Variants in INPP4B observed in about 807,000 individuals in gnomAD.
INPP4B encodes the protein inositol polyphosphate 4-phosphatase type II.
INPP4B carries 55 observed loss-of-function variants against 122.5 expected under a neutral mutation model. That is an observed-to-expected ratio of 0.45 (90% CI 0.36 to 0.56). INPP4B has a LOEUF of 0.56. INPP4B is among the 20% of genes least tolerant of loss of function. The probability of loss-of-function intolerance (pLI) is 0.00; values close to 1 mark genes in which losing one functional copy is unlikely to be tolerated. For synonymous variants in INPP4B, 403 were observed against 388.7 expected, an observed-to-expected ratio of 1.04 and a Z score of -0.43; for missense variants, 1,000 against 1,097.7, an observed-to-expected ratio of 0.91 and a Z score of 1.26.
intron 25 of INPP4B, chr4:142,029,386 G>A: frequency 1.0e-6 from 1 of 984,242 alleles, no homozygotes; most frequent in African/African-American, 1.7e-5. Flanking sequence ...TATTTTAGCT[G>A]TGCAAGGAAG....
At chr4:142,485,184 G>T (rs1399790248) in intron 2 of INPP4B, among the ~76,000 whole-genome samples, 2 of 152,050 alleles carry the variant, frequency 1.3e-5, no homozygotes, top group Non-Finnish European at 2.9e-5. Context: ...TTGATCTTAG[G>T]CCAGAAAGCT....
At chr4:142,751,489 A>ACT (rs35609076) in intron 1 of INPP4B, among the ~76,000 whole-genome samples, 49,268 of 151,638 alleles carry the variant, frequency 0.32, 8,140 homozygotes, top group South Asian at 0.43. Flanking sequence ...CTTTGTTTCC[A>ACT]CTCTCTCTTT....
At chr4:142,496,681 C>T (rs1822614919) in intron 2 of INPP4B, among the ~76,000 whole-genome samples, 1 of 152,110 alleles carries the variant, frequency 6.6e-6, no homozygotes, top group Non-Finnish European at 1.5e-5. Context: ...ATACTTGCAG[C>T]AAATGTATTC....
chr4:142,700,668 T>C (rs1761631385), intron 2 of INPP4B, among the ~76,000 whole-genome samples: 1 of 82,156 alleles, frequency 1.2e-5, no homozygotes, highest in South Asian at 5.2e-4. Flanking sequence ...CTTATTTGCA[T>C]GAAATTTTTT....
intron 15 of INPP4B, among the ~76,000 whole-genome samples, chr4:142,179,328 C>T (rs1287494713): frequency 6.6e-6 from 1 of 151,712 alleles, no homozygotes; most frequent in Non-Finnish European, 1.5e-5. Context: ...AAAAAATTAG[C>T]CAGGTGTGGC....
intron 25 of INPP4B, among the ~76,000 whole-genome samples, chr4:142,074,243 C>T (rs751792675): frequency 2.0e-4 from 31 of 152,066 alleles, no homozygotes; most frequent in Non-Finnish European, 4.0e-4. Flanking sequence ...CAATTATGTG[C>T]AAAACTCCAT....
chr4:142,806,778 A>AGAAG (rs1554013543), intron 1 of INPP4B, among the ~76,000 whole-genome samples: 17 of 77,930 alleles, frequency 2.2e-4, no homozygotes, highest in African/African-American at 6.1e-4. Context: ...AAAGAAAGAA[A>AGAAG]GAAAGAAGGA....
chr4:142,651,024 T>C (rs536275232), intron 2 of INPP4B, among the ~76,000 whole-genome samples: 1 of 152,254 alleles, frequency 6.6e-6, no homozygotes, highest in East Asian at 1.9e-4. Context: ...AAACAGTCTC[T>C]CAGAACAGAG....
intron 9 of INPP4B, among the ~76,000 whole-genome samples, chr4:142,296,189 T>C (rs1269722411): frequency 5.9e-5 from 9 of 152,168 alleles, no homozygotes; most frequent in Non-Finnish European, 1.2e-4. Flanking sequence ...CAATTTGCAA[T>C]CCGACAAATC....
At chr4:142,653,974 T>C (rs1753586983) in intron 2 of INPP4B, among the ~76,000 whole-genome samples, 1 of 152,158 alleles carries the variant, frequency 6.6e-6, no homozygotes, top group Admixed American at 6.5e-5. Flanking sequence ...CCAACCCAAA[T>C]GTCCAACAAT....
intron 15 of INPP4B, among the ~76,000 whole-genome samples, chr4:142,179,489 AAAG>A (rs2152971059): frequency 6.6e-6 from 1 of 151,406 alleles, no homozygotes; most frequent in East Asian, 2.0e-4. Context: ...AAAAAAAAAA[AAAG>A]GTTTCATGAA....
At chr4:142,281,107 ATT>A (rs5862581) in intron 9 of INPP4B, among the ~76,000 whole-genome samples, 6,044 of 146,706 alleles carry the variant, frequency 0.041, 370 homozygotes, top group African/African-American at 0.14. Context: ...CATTTATTTC[ATT>A]TTTTTTTTTT....
At chr4:142,325,228 A>C (rs1011364729) in intron 7 of INPP4B, among the ~76,000 whole-genome samples, 8 of 152,240 alleles carry the variant, frequency 5.3e-5, no homozygotes, top group Non-Finnish European at 7.3e-5. Context: ...TAATATCCAG[A>C]AAAGTTATTG....
At chr4:142,625,030 G>T (rs1369275687) in intron 2 of INPP4B, among the ~76,000 whole-genome samples, 1 of 150,214 alleles carries the variant, frequency 6.7e-6, no homozygotes, top group Admixed American at 6.7e-5. Context: ...ATATCATACT[G>T]AATGGGCAAA....
At chr4:142,534,150 TA>T (rs1398375110) in intron 2 of INPP4B, among the ~76,000 whole-genome samples, 1 of 152,152 alleles carries the variant, frequency 6.6e-6, no homozygotes, top group African/African-American at 2.4e-5. Flanking sequence ...TTATGCCCTT[TA>T]AAGTTGAAGG....
chr4:142,800,156 T>C (rs946748274), intron 1 of INPP4B, among the ~76,000 whole-genome samples: 4 of 152,110 alleles, frequency 2.6e-5, no homozygotes, highest in Non-Finnish European at 5.9e-5. Flanking sequence ...GAGAGTTCTT[T>C]GTTAGCACTT....
At chr4:142,484,128 G>A (rs1820923454) in intron 2 of INPP4B, among the ~76,000 whole-genome samples, 1 of 152,040 alleles carries the variant, frequency 6.6e-6, no homozygotes, top group African/African-American at 2.4e-5. Flanking sequence ...CTGCAGCCAG[G>A]TTAAAATGGT....
intron 2 of INPP4B, among the ~76,000 whole-genome samples, chr4:142,672,576 T>C (rs984599654): frequency 6.6e-5 from 10 of 152,310 alleles, no homozygotes; most frequent in South Asian, 2.1e-4. Flanking sequence ...AGTGTCTCTT[T>C]AAATATGTTT....
intron 2 of INPP4B, among the ~76,000 whole-genome samples, chr4:142,646,533 G>A (rs530500885): frequency 1.3e-5 from 2 of 152,316 alleles, no homozygotes; most frequent in African/African-American, 4.8e-5. Flanking sequence ...CACACTGGCA[G>A]TTGATTATGA....
Sources: allele counts gnomAD v4.1 joint callset (sites outside exome capture counted in the v4.1 genomes callset), GRCh38; gene constraint gnomAD v4.1.1; transcripts MANE v1.5; gene names NCBI Gene and HGNC (gene_info 2026-07-23, HGNC 2026-07-21).